ELMO1: variants seen among roughly 807,000 people sequenced by gnomAD.
The protein encoded by ELMO1 is engulfment and cell motility protein 1.
ELMO1 carries 26 observed loss-of-function variants against 98.9 expected under a neutral mutation model. That is an observed-to-expected ratio of 0.26 (90% CI 0.19 to 0.36). The LOEUF is 0.36. Ranked by LOEUF, ELMO1 falls within the 10% of genes least tolerant of loss-of-function variation. The pLI is 1.00. For missense variants in ELMO1, 627 were observed against 935.2 expected (o/e 0.67, Z 4.30); for synonymous variants, 346 against 346.0 (o/e 1.00, Z 0.00).
intron 6 of ELMO1, among the ~76,000 whole-genome samples, chr7:37,254,440 G>A: frequency 6.6e-6 from 1 of 152,162 alleles, no homozygotes; most frequent in Non-Finnish European, 1.5e-5. Context: ...GCTAAGAAAT[G>A]CATCATTAGG....
intron 4 of ELMO1, among the ~76,000 whole-genome samples, chr7:37,312,262 T>C (rs1798926063): frequency 6.6e-6 from 1 of 152,214 alleles, no homozygotes; most frequent in Non-Finnish European, 1.5e-5. Context: ...CTAATTTTTG[T>C]ATTTTTAGTA....
chr7:37,324,331 G>A (rs1210181073), intron 2 of ELMO1, among the ~76,000 whole-genome samples: 4 of 152,164 alleles, frequency 2.6e-5, no homozygotes, highest in Admixed American at 2.0e-4. Flanking sequence ...AGCCACTATG[G>A]AGCATGGGCT....
chr7:36,973,601 G>T (rs938657047), intron 16 of ELMO1, among the ~76,000 whole-genome samples: 2 of 152,156 alleles, frequency 1.3e-5, no homozygotes, highest in African/African-American at 4.8e-5. Context: ...CACAGCCCTC[G>T]CTCGCTCTCG....
chr7:37,261,723 G>A (rs952140755), intron 5 of ELMO1, among the ~76,000 whole-genome samples: 7 of 151,984 alleles, frequency 4.6e-5, no homozygotes, highest in Non-Finnish European at 8.8e-5. Flanking sequence ...CTGTCTCAGC[G>A]TCCCAAGTAG....
chr7:37,020,114 C>A (rs1794181354), intron 15 of ELMO1, among the ~76,000 whole-genome samples: 1 of 152,174 alleles, frequency 6.6e-6, no homozygotes, highest in African/African-American at 2.4e-5. Context: ...GGGTCTAGAG[C>A]TGACCATAAC....
intron 15 of ELMO1, among the ~76,000 whole-genome samples, chr7:37,031,265 C>T (rs1172357330): frequency 2.0e-5 from 3 of 152,112 alleles, no homozygotes; most frequent in Non-Finnish European, 4.4e-5. Context: ...TAAAGTAACG[C>T]CTCTTCACAA....
At chr7:36,908,495 T>A (rs1183503576) in intron 16 of ELMO1, among the ~76,000 whole-genome samples, 1 of 152,168 alleles carries the variant, frequency 6.6e-6, no homozygotes, top group Non-Finnish European at 1.5e-5. Context: ...CAAAAGGATA[T>A]AATTTGTATT....
intron 13 of ELMO1, among the ~76,000 whole-genome samples, chr7:37,179,610 G>T (rs1790719928): frequency 6.6e-6 from 1 of 151,992 alleles, no homozygotes; most frequent in South Asian, 2.1e-4. Flanking sequence ...AAAAACAAAA[G>T]GCAAAATATT....
intron 13 of ELMO1, among the ~76,000 whole-genome samples, chr7:37,198,075 G>A (rs969934617): frequency 4.6e-5 from 7 of 152,100 alleles, no homozygotes; most frequent in East Asian, 1.9e-4. Flanking sequence ...GGACATCCTC[G>A]GCCATGTGCC....
At chr7:37,250,819 C>G (rs1160906183) in intron 6 of ELMO1, among the ~76,000 whole-genome samples, 1 of 147,334 alleles carries the variant, frequency 6.8e-6, no homozygotes, top group African/African-American at 2.5e-5. Flanking sequence ...AAACCAGAAA[C>G]TTTCCAAGTT....
rs146426714 is a variant in ELMO1, at chr7:37,231,502, C to A, written c.549+1593G>T. Among the ~76,000 whole-genome samples the A allele has an allele frequency of 3.3e-5, 5 of 152,272 alleles. No homozygotes were observed. The South Asian group carries it at 1.0e-3, about 32-fold the overall frequency. The stretch of plus-strand genomic sequence containing the variant: ...TAGCATTCTTGCCAAAAATGCATAA[C>A]CTTCTTTAATTGAACCATGAGGGAA... On this transcript the variant is annotated intron_variant, in intron 8 of 21. Transcript: ENST00000310758.
At chr7:37,358,277 A>T (rs1198409252) in intron 1 of ELMO1, among the ~76,000 whole-genome samples, 3 of 152,200 alleles carry the variant, frequency 2.0e-5, no homozygotes, top group Admixed American at 2.0e-4. Flanking sequence ...TGATAATTTC[A>T]AATGCTTTGT....
At chr7:37,345,105 C>T (rs1362708442) in intron 1 of ELMO1, among the ~76,000 whole-genome samples, 1 of 152,226 alleles carries the variant, frequency 6.6e-6, no homozygotes, top group Non-Finnish European at 1.5e-5. Context: ...AAAACCGCTA[C>T]TCCTTTGGCC....
chr7:37,304,678 T>C (rs1798516080), intron 4 of ELMO1, among the ~76,000 whole-genome samples: 1 of 152,154 alleles, frequency 6.6e-6, no homozygotes. Flanking sequence ...ATTGCGCCAC[T>C]GCGCTTCAGC....
rs1001013772 is a variant in ELMO1 at position 37,203,454 on chromosome 7, C to T, written c.1086+7932G>A. On this transcript the variant is annotated intron_variant, in intron 13 of 21. Coordinates refer to ENST00000310758, the MANE Select transcript of ELMO1 (RefSeq NM_014800.11). The stretch of plus-strand genomic sequence containing the variant: ...TCTGAGGCTCACCATATCCTAGCTT[C>T]AGGAATAGCTTTTGTTAGGCCTGAT... 3.3e-5 allele frequency among the ~76,000 whole-genome samples: 5 copies of T among 152,290 alleles called. No individual in the cohort carries two copies. In the South Asian group the frequency reaches 1.0e-3, roughly 32 times the overall value.
At chr7:37,428,569 T>A (rs1804804500) in intron 1 of ELMO1, among the ~76,000 whole-genome samples, 1 of 152,214 alleles carries the variant, frequency 6.6e-6, no homozygotes, top group African/African-American at 2.4e-5. Context: ...TAAGTCAACA[T>A]GTAGCCTAAA....
chr7:37,101,632 T>C (rs773222891), intron 14 of ELMO1, among the ~76,000 whole-genome samples: 3 of 152,102 alleles, frequency 2.0e-5, no homozygotes, highest in Non-Finnish European at 2.9e-5. Context: ...CAGGGGCTCT[T>C]AGGTACCTTC....
intron 16 of ELMO1, among the ~76,000 whole-genome samples, chr7:36,965,866 C>T (rs891566306): frequency 6.6e-6 from 1 of 152,152 alleles, no homozygotes; most frequent in African/African-American, 2.4e-5. Context: ...GCAAGCATAC[C>T]TCCTCACATA....
At chr7:37,404,080 A>C (rs1184733728) in intron 1 of ELMO1, among the ~76,000 whole-genome samples, 3 of 152,156 alleles carry the variant, frequency 2.0e-5, no homozygotes, top group Non-Finnish European at 4.4e-5. Context: ...AAAATATATT[A>C]ATGGGGAAAA....
Sources: allele counts gnomAD v4.1 joint callset (sites outside exome capture counted in the v4.1 genomes callset), GRCh38; gene constraint gnomAD v4.1.1; transcripts MANE v1.5; gene names NCBI Gene and HGNC (gene_info 2026-07-23, HGNC 2026-07-21).